PCCA: variants seen among roughly 807,000 people sequenced by gnomAD.
PCCA encodes the protein propionyl-CoA carboxylase subunit alpha.
PCCA carries 74 observed loss-of-function variants against 101.3 expected under a neutral mutation model. That is an observed-to-expected ratio of 0.73 (90% CI 0.61 to 0.89). PCCA has a LOEUF of 0.89. PCCA is among the 40% of genes least tolerant of loss of function. The pLI, the probability that PCCA is intolerant of heterozygous loss-of-function variation, is 0.00. For missense variants in PCCA, 891 were observed against 907.0 expected (o/e 0.98, Z 0.23); for synonymous variants, 294 against 313.6 (o/e 0.94, Z 0.66).
chr13:100,398,407 T>G lies in PCCA; in HGVS notation c.1747-27226T>G, dbSNP rs528983704. ...ATAGCATTCCAGCTTGTAATTAAGCTGCAATACAAAAAATATACGCACTTG... is the reference window on the plus strand; with the variant it reads ...ATAGCATTCCAGCTTGTAATTAAGCGGCAATACAAAAAATATACGCACTTG... On this transcript the variant is annotated intron_variant, in intron 19 of 23. Transcript: ENST00000376285. Among the ~76,000 whole-genome samples, 195 of 152,306 alleles carry G rather than the reference T, an allele frequency of 1.3e-3. 7 individuals carry two copies. The South Asian group carries it at 0.039, about 31-fold the overall frequency.
chr13:100,520,985 T>G (rs558680544), intron 22 of PCCA, among the ~76,000 whole-genome samples: 2 of 152,116 alleles, frequency 1.3e-5, no homozygotes, highest in Admixed American at 6.5e-5. Context: ...AATAAAAGTT[T>G]ACAAAAAATC....
chr13:100,311,233 A>G (rs368456098), intron 16 of PCCA, among the ~76,000 whole-genome samples: 2,603 of 119,628 alleles, frequency 0.022, 94 homozygotes, highest in African/African-American at 0.076. Flanking sequence ...AGTCCGTCTC[A>G]ATGAAAAAAA....
At chr13:100,504,761 C>A (rs868740090) in intron 21 of PCCA, among the ~76,000 whole-genome samples, 50 of 152,152 alleles carry the variant, frequency 3.3e-4, no homozygotes, top group Middle Eastern at 3.4e-3. Flanking sequence ...ATGGTGAAAC[C>A]CCATCTCTAC....
At chr13:100,316,948 A>G (rs2067417376) in intron 16 of PCCA, among the ~76,000 whole-genome samples, 1 of 151,740 alleles carries the variant, frequency 6.6e-6, no homozygotes, top group Non-Finnish European at 1.5e-5. Flanking sequence ...TAATTTTTGT[A>G]TTTTTAGTAG....
At chr13:100,269,107 C>G (rs547975011) in intron 11 of PCCA, among the ~76,000 whole-genome samples, 1 of 152,186 alleles carries the variant, frequency 6.6e-6, no homozygotes, top group Non-Finnish European at 1.5e-5. Context: ...CTCAGCCTCC[C>G]GAAGTGCTGG....
At chr13:100,212,879 T>G (rs1594758239) in intron 7 of PCCA, among the ~76,000 whole-genome samples, 1 of 148,540 alleles carries the variant, frequency 6.7e-6, no homozygotes, top group South Asian at 2.2e-4. Flanking sequence ...CCACCCCCAC[T>G]CCTCCCCACT....
At chr13:100,306,718 T>C (rs942449702) in intron 14 of PCCA, among the ~76,000 whole-genome samples, 2 of 142,714 alleles carry the variant, frequency 1.4e-5, no homozygotes, top group African/African-American at 2.6e-5. Flanking sequence ...AACAGAAAAA[T>C]AGTGTTTTAC....
intron 16 of PCCA, among the ~76,000 whole-genome samples, chr13:100,329,042 A>G (rs1242156430): frequency 4.9e-5 from 7 of 144,156 alleles, no homozygotes; most frequent in South Asian, 4.4e-4. Context: ...TTCTAGTACC[A>G]TTTATTGAAA....
intron 6 of PCCA, among the ~76,000 whole-genome samples, chr13:100,187,503 C>T (rs932439088): frequency 1.3e-5 from 2 of 152,034 alleles, no homozygotes; most frequent in Admixed American, 1.3e-4. Context: ...GCGATATCAT[C>T]CAGAGTTATA....
intron 19 of PCCA, among the ~76,000 whole-genome samples, chr13:100,419,370 G>A (rs2078592947): frequency 6.6e-6 from 1 of 152,078 alleles, no homozygotes; most frequent in South Asian, 2.1e-4. Context: ...TACTTGGGAG[G>A]CTGAGGTAGG....
chr13:100,491,695 G>A lies in PCCA; in HGVS notation c.1900-23732G>A, dbSNP rs1400785855. On this transcript the variant is annotated intron_variant, in intron 21 of 23. Transcript: ENST00000376285. ...TTGACTGTGAGAAGCTTGGCAGAAG[G>A]TGCTGCGGCCTGGTGGCTGGCTCAG... is the stretch of plus-strand genomic sequence containing the variant. 1.1e-5 allele frequency: 14 copies of A among 1,303,710 alleles called. No individual in the cohort carries two copies. In the South Asian group the frequency reaches 1.7e-4, roughly 16 times the overall value. The allele number at this position is 1,303,710 out of a possible 1,614,324, so 80.8% of individuals were successfully genotyped here.
At chr13:100,188,546 T>A (rs2152443489) in intron 6 of PCCA, among the ~76,000 whole-genome samples, 1 of 152,334 alleles carries the variant, frequency 6.6e-6, no homozygotes, top group Non-Finnish European at 1.5e-5. Context: ...TTTTGTATAA[T>A]GATTTATTTT....
At chr13:100,393,045 C>CT (rs1383509589) in intron 19 of PCCA, among the ~76,000 whole-genome samples, 3 of 151,050 alleles carry the variant, frequency 2.0e-5, no homozygotes, top group Admixed American at 1.3e-4. Context: ...GGAAGAAACT[C>CT]TGAATGTTAG....
At chr13:100,486,753 A>G (rs1321930992) in intron 21 of PCCA, among the ~76,000 whole-genome samples, 1 of 152,132 alleles carries the variant, frequency 6.6e-6, no homozygotes, top group Non-Finnish European at 1.5e-5. Context: ...TCTCTGCAAA[A>G]AATTCAAAAA....
At chr13:100,464,449 T>A (rs2082368627) in intron 21 of PCCA, 1 of 152,168 alleles carries the variant, frequency 6.6e-6, no homozygotes, top group South Asian at 2.1e-4. Context: ...AAAGAATAGC[T>A]CGGTTTTTAT....
chr13:100,509,628 AAAAC>A (rs1157251885), intron 21 of PCCA, among the ~76,000 whole-genome samples: 1 of 152,210 alleles, frequency 6.6e-6, no homozygotes, highest in Non-Finnish European at 1.5e-5. Flanking sequence ...TAGTTTTAGA[AAAAC>A]AAGGAAGAAT....
intron 2 of PCCA, among the ~76,000 whole-genome samples, chr13:100,109,615 A>G (rs1386744110): frequency 6.6e-6 from 1 of 152,218 alleles, no homozygotes; most frequent in Non-Finnish European, 1.5e-5. Context: ...GTTTACCATG[A>G]CCATTTAAAT....
At chr13:100,370,216 C>T (rs1046123899) in intron 19 of PCCA, among the ~76,000 whole-genome samples, 6 of 150,896 alleles carry the variant, frequency 4.0e-5, no homozygotes, top group African/African-American at 1.5e-4. Flanking sequence ...TCCCGAGTAG[C>T]TGGGACTACA....
intron 19 of PCCA, among the ~76,000 whole-genome samples, chr13:100,412,781 T>G (rs1286933655): frequency 1.3e-5 from 2 of 152,162 alleles, no homozygotes; most frequent in Admixed American, 1.3e-4. Context: ...GGCATCAGTT[T>G]CTATATCTCA....
Sources: gnomAD v4.1 joint callset for allele counts (sites outside exome capture counted in the v4.1 genomes callset) on GRCh38, gnomAD v4.1.1 for gene constraint, MANE v1.5 for transcripts, NCBI Gene and HGNC (gene_info 2026-07-23, HGNC 2026-07-21) for gene names.